PACRG: variants seen among roughly 807,000 people sequenced by gnomAD.
The protein encoded by PACRG is parkin coregulated gene protein.
Under a neutral mutation model 29.7 loss-of-function variants are expected in PACRG, and 29 were observed. The observed-to-expected ratio is 0.98, with a 90% CI of 0.73 to 1.33. The LOEUF is 1.33. Ranked by LOEUF, PACRG falls within the 40% of genes most tolerant of loss-of-function variation. PACRG has a pLI of 0.00. For missense variants in PACRG, 279 were observed against 316.2 expected, an observed-to-expected ratio of 0.88 and a Z score of 0.89; for synonymous variants, 116 against 118.7, an observed-to-expected ratio of 0.98 and a Z score of 0.15.
chr6:163,121,115 T>C (rs1816246682), intron 4 of PACRG, among the ~76,000 whole-genome samples: 1 of 152,234 alleles, frequency 6.6e-6, no homozygotes, highest in Admixed American at 6.5e-5. Context: ...GATATTGTAG[T>C]GAATGAATGC....
chr6:163,154,078 C>T (rs943577613), intron 4 of PACRG, among the ~76,000 whole-genome samples: 1 of 152,154 alleles, frequency 6.6e-6, no homozygotes, highest in Admixed American at 6.5e-5. Flanking sequence ...TCTCCTTTCC[C>T]CAGGAGGGAT....
At chr6:163,022,465 G>A (rs1478461019) in intron 2 of PACRG, among the ~76,000 whole-genome samples, 1 of 152,170 alleles carries the variant, frequency 6.6e-6, no homozygotes, top group Non-Finnish European at 1.5e-5. Flanking sequence ...GATTCAACCG[G>A]AAGAGAGCAG....
chr6:163,275,011 C>T (rs1271139148), intron 4 of PACRG, among the ~76,000 whole-genome samples: 1 of 151,850 alleles, frequency 6.6e-6, no homozygotes, highest in Non-Finnish European at 1.5e-5. Context: ...TACAGGCGTG[C>T]ACCACCAGAC....
chr6:163,302,442 A>G (rs890859615), intron 4 of PACRG, among the ~76,000 whole-genome samples: 3 of 152,234 alleles, frequency 2.0e-5, no homozygotes, highest in African/African-American at 7.2e-5. Flanking sequence ...GCTGATAGCC[A>G]GAGCTTGGAA....
rs191883314 is a variant in PACRG at position 163,108,099 on chromosome 6, T to G, written c.613+18691T>G. Among the ~76,000 whole-genome samples the G allele has an allele frequency of 2.7e-3, 411 of 152,318 alleles. 1 individual carries two copies. The highest frequency in any genetic ancestry group is 4.8e-3 in the Non-Finnish European group (329 of 68,018). ...TTGGCTTTGTGTCCCTACCCAAATC[T>G]CATGTCAAATTGTAATCACCCATGT... On this transcript the variant is annotated intron_variant, in intron 4 of 4. Transcript: ENST00000366888.
chr6:163,223,509 C>G (rs1781667792), intron 4 of PACRG, among the ~76,000 whole-genome samples: 2 of 152,120 alleles, frequency 1.3e-5, no homozygotes, highest in South Asian at 4.1e-4. Context: ...GCTCCACACA[C>G]AATGGGAAAG....
At chr6:162,969,970 A>C (rs1278255683) in intron 2 of PACRG, among the ~76,000 whole-genome samples, 1 of 152,160 alleles carries the variant, frequency 6.6e-6, no homozygotes, top group Non-Finnish European at 1.5e-5. Flanking sequence ...CCTTGGAGTA[A>C]ATGAATGAAT....
chr6:163,063,003 C>G (rs1320302657), intron 3 of PACRG, among the ~76,000 whole-genome samples: 2 of 152,120 alleles, frequency 1.3e-5, no homozygotes, highest in African/African-American at 4.8e-5. Flanking sequence ...AGTAGAGCCA[C>G]CCTGATGGGC....
At chr6:162,932,085 G>T (rs1797892987) in intron 2 of PACRG, among the ~76,000 whole-genome samples, 2 of 151,836 alleles carry the variant, frequency 1.3e-5, no homozygotes, top group South Asian at 4.1e-4. Context: ...GCAATAAAAA[G>T]AAATGAATTA....
intron 2 of PACRG, among the ~76,000 whole-genome samples, chr6:163,018,773 G>A (rs1305945450): frequency 7.4e-6 from 1 of 134,252 alleles, no homozygotes; most frequent in Non-Finnish European, 1.6e-5. Flanking sequence ...GTTGTCTTGA[G>A]TTTAATATGT....
intron 4 of PACRG, among the ~76,000 whole-genome samples, chr6:163,228,926 T>G (rs1407666377): frequency 6.6e-6 from 1 of 152,206 alleles, no homozygotes; most frequent in Non-Finnish European, 1.5e-5. Context: ...AATGACCAGT[T>G]TACTTTCTCC....
At chr6:163,185,210 C>T (rs1004935604) in intron 4 of PACRG, among the ~76,000 whole-genome samples, 9 of 151,772 alleles carry the variant, frequency 5.9e-5, no homozygotes, top group South Asian at 4.2e-4. Flanking sequence ...TGCAGCCGTA[C>T]GCTGGGAGTC....
At chr6:163,204,630 A>G (rs1780831537) in intron 4 of PACRG, among the ~76,000 whole-genome samples, 1 of 152,152 alleles carries the variant, frequency 6.6e-6, no homozygotes, top group African/African-American at 2.4e-5. Context: ...ACCCCTGCAG[A>G]TTGTCAGGAG....
At chr6:163,114,722 T>C (rs186444894) in intron 4 of PACRG, among the ~76,000 whole-genome samples, 37 of 152,168 alleles carry the variant, frequency 2.4e-4, no homozygotes, top group Non-Finnish European at 4.0e-4. Flanking sequence ...TAGGGAGATG[T>C]TGGCTAAAAG....
intron 4 of PACRG, among the ~76,000 whole-genome samples, chr6:163,268,367 A>G (rs1189155145): frequency 6.7e-6 from 1 of 150,346 alleles, no homozygotes; most frequent in Non-Finnish European, 1.5e-5. Context: ...GCACCACTGC[A>G]CTCCAGCCTG....
At chr6:162,876,250 CAAG>C (rs749143160) in intron 2 of PACRG, among the ~76,000 whole-genome samples, 80 of 152,300 alleles carry the variant, frequency 5.3e-4, no homozygotes, top group Non-Finnish European at 9.1e-4. Flanking sequence ...TTTCTTCTGA[CAAG>C]GAGGAGGTCA....
At chr6:163,285,720 G>A (rs73784567) in intron 4 of PACRG, among the ~76,000 whole-genome samples, 2,437 of 152,292 alleles carry the variant, frequency 0.016, 65 homozygotes, top group African/African-American at 0.055. Flanking sequence ...AGAGCAGCTC[G>A]GATGCCTGTG....
chr6:162,837,167 C>T (rs981182464), intron 2 of PACRG, among the ~76,000 whole-genome samples: 1 of 151,986 alleles, frequency 6.6e-6, no homozygotes, highest in African/African-American at 2.4e-5. Flanking sequence ...TCTGAGGTAG[C>T]GCATTGTCCT....
intron 4 of PACRG, among the ~76,000 whole-genome samples, chr6:163,240,641 A>C (rs1363914668): frequency 6.6e-6 from 1 of 152,042 alleles, no homozygotes; most frequent in Non-Finnish European, 1.5e-5. Context: ...TCACGCTCCT[A>C]AACACCTCCT....
Sources: allele counts gnomAD v4.1 joint callset (sites outside exome capture counted in the v4.1 genomes callset), GRCh38; gene constraint gnomAD v4.1.1; transcripts MANE v1.5; gene names NCBI Gene and HGNC (gene_info 2026-07-23, HGNC 2026-07-21).